The following RGP1 variants were observed in gnomAD, a reference collection of about 807,000 sequenced individuals.
RGP1 encodes the protein RGP1 partner of RAB6A GEF complex.
A neutral mutation model predicts 44.5 loss-of-function variants in RGP1; 28 were observed. The ratio of observed to expected loss-of-function variants is 0.63; its 90% CI spans 0.47 to 0.86. The LOEUF (loss-of-function observed/expected upper bound fraction) is 0.86. Ranked by LOEUF, RGP1 falls within the 40% of genes least tolerant of loss-of-function variation. RGP1 has a pLI of 0.00. For synonymous variants in RGP1, 212 were observed against 196.7 expected, an observed-to-expected ratio of 1.08 and a Z score of -0.65; for missense variants, 417 against 490.7, an observed-to-expected ratio of 0.85 and a Z score of 1.42.
In RGP1 at chr9:35,754,945, C is replaced by CT. The variant is rs1827336144; in HGVS notation, c.*2072dup. 1 of 152,232 alleles carries CT rather than the reference C, an allele frequency of 6.6e-6. No homozygotes were observed. Among genetic ancestry groups the CT allele is most frequent in the Non-Finnish European group, 1.5e-5 (1 of 68,044 alleles). The allele number at this position is 152,232 out of a possible 1,614,324, so 9.4% of individuals were successfully genotyped here. A position where few individuals can be genotyped will look rare whatever the true frequency, so the allele number is the denominator to read the frequency against. ...TTTCCCCTTTCAAAGAGGAGCATCT[C>CT]TAAGTGCCCTGATGGGATGAATCAC... On this transcript the variant is annotated 3_prime_UTR_variant, in exon 9 of 9. Transcript: ENST00000378078.
In RGP1 at chr9:35,754,191, C is replaced by T; in HGVS notation, c.*1317C>T. 2 of 1,557,572 alleles carry T rather than the reference C, an allele frequency of 1.3e-6. No individual in the cohort carries two copies. Among genetic ancestry groups the T allele is most frequent in the Non-Finnish European group, 1.7e-6 (2 of 1,150,888 alleles). On this transcript the variant is annotated 3_prime_UTR_variant, in exon 9 of 9. Coordinates refer to ENST00000378078, the MANE Select transcript of RGP1 (RefSeq NM_001080496.3). Reference sequence around the variant, plus strand: ...CTGCTCAGCTACTCTGGTCTTGACTCCTTGACTTTGCTTTGCGTTGCTCCT... The same window carrying T: ...CTGCTCAGCTACTCTGGTCTTGACTTCTTGACTTTGCTTTGCGTTGCTCCT...
At position 35,749,324 on chromosome 9, in the gene RGP1, C is replaced by T; in HGVS notation, c.-104C>T. On this transcript the variant is annotated 5_prime_UTR_variant, in exon 1 of 9. Transcript: ENST00000378078. This position sits in a 1 kb window ranked among gnomAD's most constrained non-coding sequence, Gnocchi z 4.4. ...ACCGCCCAGCGGACGCCGCCGCCGC[C>T]GCCGCCGCCGCGTACCTAGCCAGGT... The T allele has an allele frequency of 1.9e-6, 1 of 527,472 alleles. No homozygotes were observed. Among genetic ancestry groups the T allele is most frequent in the Non-Finnish European group, 3.9e-6 (1 of 257,834 alleles). The allele number at this position is 527,472 out of a possible 1,614,324, so 32.7% of individuals were successfully genotyped here.
At chr9:35,780,867 TG>T in the RGP1 span, among the ~76,000 whole-genome samples, 1 of 152,076 alleles carries the variant, frequency 6.6e-6, no homozygotes, top group African/African-American at 2.4e-5. Flanking sequence ...CACTCCAGCC[TG>T]GGTAACAGAG....
the RGP1 span, among the ~76,000 whole-genome samples, chr9:35,773,126 C>T: frequency 6.6e-6 from 1 of 152,166 alleles, no homozygotes; most frequent in African/African-American, 2.4e-5. Context: ...TGGTGGCTCA[C>T]ACCTGTTACC....
chr9:35,786,223 C>T, the RGP1 span, among the ~76,000 whole-genome samples: 1 of 152,210 alleles, frequency 6.6e-6, no homozygotes, highest in East Asian at 1.9e-4. Context: ...GTTAGCAGGA[C>T]TTAAAAGGCA....
downstream of RGP1, among the ~76,000 whole-genome samples, chr9:35,759,567 C>CAAAAA (rs57938702): frequency 3.9e-4 from 15 of 38,308 alleles, 1 homozygote; most frequent in Admixed American, 9.6e-4. Flanking sequence ...ACCCTGTCTC[C>CAAAAA]AAAAAAAAAA....
At position 35,750,875 on chromosome 9, in the gene RGP1, C is replaced by A. The variant is rs761023329; in HGVS notation, c.373C>A (p.Pro125Thr). 1 of 1,614,010 alleles carries A rather than the reference C, an allele frequency of 6.2e-7. No homozygotes were observed. The highest frequency in any genetic ancestry group is 8.5e-7 in the Non-Finnish European group (1 of 1,179,886). ...TGAAGTGCTGCCCATAGAGGGACCACCCTCCTTTCGGGGTCAGTCAGTCAA... is the reference window on the plus strand; with the variant it reads ...TGAAGTGCTGCCCATAGAGGGACCAACCTCCTTTCGGGGTCAGTCAGTCAA... ...YSEVLPIEGP[P>T]SFRGQSVKYV... The change falls in exon 5 of 9, where the codon CCC becomes ACC. Residue 125 changes from proline (P) to threonine (T), a missense_variant. Pro to Thr is a conservative substitution (Grantham distance 38). Transcript: ENST00000378078.
At chr9:35,777,796 C>T in the RGP1 span, among the ~76,000 whole-genome samples, 2 of 152,162 alleles carry the variant, frequency 1.3e-5, no homozygotes, top group Non-Finnish European at 2.9e-5. Context: ...CTCCTTGCTA[C>T]AGCTATGAGG....
chr9:35,763,525 A>C (rs115472670), downstream of RGP1, among the ~76,000 whole-genome samples: 188 of 152,320 alleles, frequency 1.2e-3, 2 homozygotes, highest in African/African-American at 4.0e-3. Context: ...ATACAATCCT[A>C]TTTATATCTC....
Position 35,755,765 on chromosome 9 carries a change from A to T in RGP1, c.*2891A>T, listed in dbSNP as rs1292502335. The T allele has an allele frequency of 6.6e-6, 1 of 152,144 alleles. No individual in the cohort carries two copies. Among genetic ancestry groups the T allele is most frequent in the East Asian group, 1.9e-4 (1 of 5,186 alleles). 9.4% of individuals were successfully genotyped at this position (152,144 alleles called of 1,614,324 possible). On this transcript the variant is annotated 3_prime_UTR_variant, in exon 9 of 9. Transcript: ENST00000378078. ...TCCTGCTTTGTGCTCCCGCTTCCTA[A>T]CAGGCCACAGACTGGTACTGGCCTG...
the RGP1 span, among the ~76,000 whole-genome samples, chr9:35,767,383 A>G: frequency 6.9e-6 from 1 of 145,886 alleles, no homozygotes; most frequent in African/African-American, 2.6e-5. Flanking sequence ...GATACCTTCT[A>G]TAATTAGCCA....
At chr9:35,776,493 G>T in the RGP1 span, among the ~76,000 whole-genome samples, 1 of 151,870 alleles carries the variant, frequency 6.6e-6, no homozygotes, top group Non-Finnish European at 1.5e-5. Flanking sequence ...CATTATGTTG[G>T]CTAGGCTGGT....
chr9:35,751,568 C>T, intron 6 of RGP1, 59 bp from the exon 7 acceptor site: 1 of 1,609,506 alleles, frequency 6.2e-7, no homozygotes, highest in Non-Finnish European at 8.5e-7. Context: ...CTGTGGTGCC[C>T]AGTCCTAGAC....
At chr9:35,751,800 A>T (rs776482465) in intron 7 of RGP1, 46 bp downstream of exon 7, 1 of 1,612,730 alleles carries the variant, frequency 6.2e-7, no homozygotes, top group Non-Finnish European at 8.5e-7. Context: ...GCTGGGGTTG[A>T]AGGGCTAGGG....
the RGP1 span, among the ~76,000 whole-genome samples, chr9:35,770,788 G>C: frequency 6.6e-6 from 1 of 152,148 alleles, no homozygotes; most frequent in African/African-American, 2.4e-5. Context: ...AGGCTACAGA[G>C]GATCAGAGGA....
rs949971628 is a variant in RGP1, at chr9:35,750,443, C to G, written c.253+64C>G. The G allele has an allele frequency of 8.1e-5, 127 of 1,563,958 alleles. 1 individual carries two copies. Among genetic ancestry groups the G allele is most frequent in the Non-Finnish European group, 1.1e-4 (123 of 1,140,238 alleles). ...GAGGGTGTGTGTGGAGGCATTGTCA[C>G]CCATGGGTGAAGTTGTTAATTGTTC... On this transcript the variant is annotated intron_variant, in intron 3 of 8. Coordinates refer to ENST00000378078, the MANE Select transcript of RGP1 (RefSeq NM_001080496.3).
rs770078683 is a variant in RGP1, at chr9:35,751,378, A to G, written c.600A>G (p.Glu200=). The G allele has an allele frequency of 9.3e-5, 150 of 1,613,764 alleles. No homozygotes were observed. Among genetic ancestry groups the G allele is most frequent in the Non-Finnish European group, 1.2e-4 (147 of 1,179,866 alleles). Reference sequence around the variant, plus strand: ...CATGGCTAGCTGAGCTGGCTGGGGAACGCCTAATGGCTGCCACATCCTGCC... The same window carrying G: ...CATGGCTAGCTGAGCTGGCTGGGGAGCGCCTAATGGCTGCCACATCCTGCC... ...KDSWLAELAG[E]RLMAATSCRS... The change falls in exon 6 of 9, where the codon GAA becomes GAG. Residue 200 remains glutamate, a synonymous_variant. Coordinates refer to ENST00000378078, the MANE Select transcript of RGP1 (RefSeq NM_001080496.3).
In RGP1 at chr9:35,753,523, T is replaced by C. The variant is rs1827307706; in HGVS notation, c.*649T>C. 1 of 810,564 alleles carries C rather than the reference T, an allele frequency of 1.2e-6. No homozygotes were observed. Among genetic ancestry groups the C allele is most frequent in the East Asian group, 2.7e-5 (1 of 37,404 alleles). The allele number at this position is 810,564 out of a possible 1,614,324, so 50.2% of individuals were successfully genotyped here. ...CCTGAAGCCTTATCTTTCACACTAG[T>C]GTTGGTCCCTTCAGGTTTGGCCCAT... On this transcript the variant is annotated 3_prime_UTR_variant, in exon 9 of 9. Coordinates refer to ENST00000378078, the MANE Select transcript of RGP1 (RefSeq NM_001080496.3). The surrounding 1 kb of genome is among the most constrained non-coding windows in gnomAD (Gnocchi z 4.2).
the RGP1 span, among the ~76,000 whole-genome samples, chr9:35,775,051 C>T: frequency 1.3e-5 from 2 of 152,208 alleles, no homozygotes; most frequent in Non-Finnish European, 2.9e-5. Context: ...TCAGTTCTGT[C>T]TCTTCACTCC....
Sources: gnomAD v4.1 joint callset for allele counts (sites outside exome capture counted in the v4.1 genomes callset) on GRCh38, gnomAD v4.1.1 for gene constraint, Gnocchi (gnomAD v3.1) non-coding constraint, MANE v1.5 for transcripts, NCBI Gene and HGNC (gene_info 2026-07-23, HGNC 2026-07-21) for gene names.